NMT1: variants seen among roughly 807,000 people sequenced by gnomAD.
NMT1 encodes the protein glycylpeptide N-tetradecanoyltransferase 1.
A neutral mutation model predicts 63.4 loss-of-function variants in NMT1; 12 were observed. That is an observed-to-expected ratio of 0.19 (90% CI 0.12 to 0.31). The LOEUF (loss-of-function observed/expected upper bound fraction) is 0.31. NMT1 is among the 10% of genes least tolerant of loss of function. The pLI is 1.00. For synonymous variants in NMT1, 228 were observed against 234.3 expected (o/e 0.97, Z 0.25); for missense variants, 432 against 634.6 (o/e 0.68, Z 3.43).
chr17:45,096,404 C>A, intron 5 of NMT1, 119 bp downstream of exon 5: 2 of 766,684 alleles, frequency 2.6e-6, no homozygotes, highest in South Asian at 1.5e-5. Flanking sequence ...ATTAGTGTGT[C>A]ATTTTTGAGT....
At chr17:45,077,609 C>T (rs983081430) in intron 1 of NMT1, among the ~76,000 whole-genome samples, 5 of 152,176 alleles carry the variant, frequency 3.3e-5, no homozygotes, top group Non-Finnish European at 7.3e-5. Context: ...AGGCTGGTCT[C>T]GAACTCCCGA....
chr17:45,099,727 G>A (rs2054149064), intron 8 of NMT1: 2 of 552,978 alleles, frequency 3.6e-6, no homozygotes, highest in African/African-American at 3.8e-5. Flanking sequence ...CTGAGTCTGT[G>A]CCTGGACTAG....
intron 4 of NMT1, among the ~76,000 whole-genome samples, chr17:45,094,889 C>G (rs897087680): frequency 2.2e-4 from 33 of 148,988 alleles, no homozygotes; most frequent in Non-Finnish European, 3.9e-4. Context: ...CTTGGCTTAC[C>G]CCAACCTCCA....
chr17:45,103,041 C>T lies in NMT1; in HGVS notation c.1084C>T (p.Leu362Phe). The stretch of plus-strand genomic sequence containing the variant: ...CACCAGGTACTTGAAGCAATTTCAC[C>T]TTACGCCCGTCATGAGCCAGGAGGA... ...LLTRYLKQFH[L>F]TPVMSQEEVE... Residue 362 changes from leucine to phenylalanine, a missense_variant, in exon 9 of 12, where the codon CTT becomes TTT. Transcript: ENST00000258960. The surrounding 1 kb of genome is among the most constrained non-coding windows in gnomAD (Gnocchi z 4.8). The T allele has an allele frequency of 6.2e-7, 1 of 1,614,052 alleles. No individual in the cohort carries two copies. Among genetic ancestry groups the T allele is most frequent in the Non-Finnish European group, 8.5e-7 (1 of 1,179,962 alleles).
chr17:45,091,494 C>T (rs1183478632), intron 3 of NMT1, among the ~76,000 whole-genome samples: 2 of 151,856 alleles, frequency 1.3e-5, no homozygotes, highest in Non-Finnish European at 2.9e-5. Context: ...TATTTTAGTA[C>T]AATAGGGAAG....
In NMT1 at chr17:45,105,891, AG is replaced by A; in HGVS notation, c.*255del. 3 of 474,114 alleles carry A rather than the reference AG, an allele frequency of 6.3e-6. No individual in the cohort carries two copies. The highest frequency in any genetic ancestry group is 1.1e-5 in the Non-Finnish European group (3 of 270,608). The allele number at this position is 474,114 out of a possible 1,614,324, so 29.4% of individuals were successfully genotyped here. Reference sequence around the variant, plus strand: ...TTACATCCTCATGCAGCCGTGATCAAGGGAATGTAACTGCTGAAAACTAGCT... The same window carrying A: ...TTACATCCTCATGCAGCCGTGATCAAGGAATGTAACTGCTGAAAACTAGCT... On this transcript the variant is annotated 3_prime_UTR_variant, in exon 12 of 12. Transcript: ENST00000258960. The surrounding 1 kb of genome is among the most constrained non-coding windows in gnomAD (Gnocchi z 4.2).
At chr17:45,099,923 A>T in intron 8 of NMT1, 1 of 158,648 alleles carries the variant, frequency 6.3e-6, no homozygotes, top group East Asian at 1.8e-4. Context: ...GTAAAGGGTG[A>T]CCTGAGCTTG....
chr17:45,065,259 A>G (rs1354445144), intron 1 of NMT1, among the ~76,000 whole-genome samples: 2 of 152,152 alleles, frequency 1.3e-5, no homozygotes, highest in Non-Finnish European at 2.9e-5. Flanking sequence ...AGAGGATGTC[A>G]GATTTTTCTT....
At chr17:45,077,457 C>T (rs1425661834) in intron 1 of NMT1, among the ~76,000 whole-genome samples, 1 of 152,202 alleles carries the variant, frequency 6.6e-6, no homozygotes, top group Non-Finnish European at 1.5e-5. Context: ...GTGGTGCAAT[C>T]TTGGCTTACC....
At position 45,086,545 on chromosome 17, in the gene NMT1, A is replaced by G; in HGVS notation, c.278A>G (p.Gln93Arg). The part of the protein sequence containing the change: ...SLPAERIQEI[Q>R]KAIELFSVGQ... The stretch of plus-strand genomic sequence containing the variant: ...CCAGCAGAGAGGATCCAGGAAATAC[A>G]GAAGGCCATTGAGCTGTTCTCAGTG... Residue 93 changes from glutamine to arginine, a missense_variant, in exon 3 of 12, where the codon CAG (glutamine) becomes CGG (arginine). Gln to Arg is a conservative substitution (Grantham distance 43). This residue lies in a region of NMT1 where 295 missense variants were observed against 489.7 expected (regional missense o/e 0.60). Coordinates refer to ENST00000258960, the MANE Select transcript of NMT1 (RefSeq NM_021079.5). 5.0e-6 allele frequency: 8 copies of G among 1,612,992 alleles called. No homozygotes were observed. The highest frequency in any genetic ancestry group is 6.8e-6 in the Non-Finnish European group (8 of 1,179,602).
At chr17:45,102,419 A>G (rs1390064134) in intron 8 of NMT1, among the ~76,000 whole-genome samples, 2 of 152,184 alleles carry the variant, frequency 1.3e-5, no homozygotes, top group Non-Finnish European at 2.9e-5. Context: ...TTCTGAATGT[A>G]ACCCACAGCC....
chr17:45,088,074 A>G (rs1380650839), intron 3 of NMT1, among the ~76,000 whole-genome samples: 1 of 152,354 alleles, frequency 6.6e-6, no homozygotes, highest in African/African-American at 2.4e-5. Flanking sequence ...AATAGAAGCA[A>G]GCTGAGGAGG....
rs1382805858 is a variant in NMT1 at position 45,086,540 on chromosome 17, A to G, written c.273A>G (p.Glu91=). The G allele has an allele frequency of 5.0e-6, 8 of 1,612,604 alleles. No individual in the cohort carries two copies. In the Admixed American group the frequency reaches 1.3e-4, roughly 27 times the overall value. The change falls in exon 3 of 12, where the codon GAA becomes GAG. Residue 91 remains glutamate, a synonymous_variant. Coordinates refer to ENST00000258960, the MANE Select transcript of NMT1 (RefSeq NM_021079.5). ...CTTTGCCAGCAGAGAGGATCCAGGAAATACAGAAGGCCATTGAGCTGTTCT... is the reference window on the plus strand; with the variant it reads ...CTTTGCCAGCAGAGAGGATCCAGGAGATACAGAAGGCCATTGAGCTGTTCT... ...MNSLPAERIQ[E]IQKAIELFSV...
rs78688933 is a variant in NMT1, at chr17:45,098,955, C to G, written c.884+403C>G. On this transcript the variant is annotated intron_variant, in intron 7 of 11. Coordinates refer to ENST00000258960, the MANE Select transcript of NMT1 (RefSeq NM_021079.5). ...AAATAGAGCAAGTCAGCTATGTGAT[C>G]TAAGGGCAACCTCTGCCTTAGAAAG... 1,824 of 229,078 alleles carry G rather than the reference C, an allele frequency of 8.0e-3. 29 individuals carry two copies. The highest frequency in any genetic ancestry group is 0.037 in the African/African-American group (1,667 of 45,032). The allele number at this position is 229,078 out of a possible 1,614,324, so 14.2% of individuals were successfully genotyped here.
chr17:45,089,131 T>G (rs2054072546), intron 3 of NMT1, among the ~76,000 whole-genome samples: 1 of 152,236 alleles, frequency 6.6e-6, no homozygotes, highest in Admixed American at 6.5e-5. Context: ...CGTGTTAGCC[T>G]GCATGGCTGA....
In NMT1 at chr17:45,105,085, C is replaced by T. The variant is rs112816348; in HGVS notation, c.1470+89C>T. The stretch of plus-strand genomic sequence containing the variant: ...CCGGGCCATGGGTTGAGGAGACAGC[C>T]GCAGTCTGGGTCCTTGTTACCTCGA... On this transcript the variant is annotated intron_variant, in intron 11 of 11. Transcript: ENST00000258960. The surrounding 1 kb of genome is among the most constrained non-coding windows in gnomAD (Gnocchi z 4.2). 7.8e-6 allele frequency: 12 copies of T among 1,547,732 alleles called. No individual in the cohort carries two copies. The highest frequency in any genetic ancestry group is 2.3e-5 in the South Asian group (2 of 87,370).
At chr17:45,087,084 C>T (rs898301532) in intron 3 of NMT1, among the ~76,000 whole-genome samples, 4 of 151,854 alleles carry the variant, frequency 2.6e-5, no homozygotes, top group Non-Finnish European at 4.4e-5. Context: ...TCACTTGAAC[C>T]TGGGAGGTCA....
chr17:45,104,609 C>T lies in NMT1; in HGVS notation c.1333-250C>T, dbSNP rs1004915319. The T allele has an allele frequency of 5.0e-5, 64 of 1,285,800 alleles. 1 individual carries two copies. Among genetic ancestry groups the T allele is most frequent in the East Asian group, 9.3e-5 (3 of 32,394 alleles). 79.6% of individuals were successfully genotyped at this position (1,285,800 alleles called of 1,614,324 possible). ...GCATAACCAGGAATAGCAAGAGCCC[C>T]GGCCTGGACACTGAGTACATATGTG... On this transcript the variant is annotated intron_variant, in intron 10 of 11. Coordinates refer to ENST00000258960, the MANE Select transcript of NMT1 (RefSeq NM_021079.5). The surrounding 1 kb of genome is among the most constrained non-coding windows in gnomAD (Gnocchi z 4.2).
chr17:45,080,240 A>G (rs2054007573), intron 1 of NMT1, among the ~76,000 whole-genome samples: 1 of 151,572 alleles, frequency 6.6e-6, no homozygotes, highest in African/African-American at 2.4e-5. Context: ...GGCTCACAAC[A>G]ACCTCTGCCT....
Sources: gnomAD v4.1 joint callset for allele counts (sites outside exome capture counted in the v4.1 genomes callset) on GRCh38, gnomAD v4.1.1 for gene constraint, gnomAD v4.1.1 regional missense constraint, Gnocchi (gnomAD v3.1) non-coding constraint, MANE v1.5 for transcripts, NCBI Gene and HGNC (gene_info 2026-07-23, HGNC 2026-07-21) for gene names.